The following RPGRIP1 variants were observed in gnomAD, a reference collection of about 807,000 sequenced individuals.
The protein encoded by RPGRIP1 is X-linked retinitis pigmentosa GTPase regulator-interacting protein 1.
RPGRIP1 carries 128 observed loss-of-function variants against 157.9 expected under a neutral mutation model. The observed-to-expected ratio is 0.81, with a 90% CI of 0.70 to 0.94. The LOEUF (loss-of-function observed/expected upper bound fraction) is 0.94. RPGRIP1 is among the 40% of genes least tolerant of loss of function. The pLI, the probability that RPGRIP1 is intolerant of heterozygous loss-of-function variation, is 0.00. For synonymous variants in RPGRIP1, 554 were observed against 571.6 expected (o/e 0.97, Z 0.44); for missense variants, 1,486 against 1,545.8 (o/e 0.96, Z 0.65).
rs1035915248 is a variant in RPGRIP1, at chr14:21,304,998, T to G, written c.800+1455T>G. ...TTTGTATTTTTAGTAGAGACGGGGTTTCACCATGTTAGCCAGGATGGTCTC... is the reference window on the plus strand; with the variant it reads ...TTTGTATTTTTAGTAGAGACGGGGTGTCACCATGTTAGCCAGGATGGTCTC... On this transcript the variant is annotated intron_variant, in intron 6 of 24. Transcript: ENST00000400017. Among the ~76,000 whole-genome samples the G allele has an allele frequency of 1.1e-3, 164 of 152,256 alleles. 3 individuals are homozygous for G. Among genetic ancestry groups the G allele is most frequent in the Non-Finnish European group, 1.6e-4 (11 of 68,016 alleles).
chr14:21,328,332 T>G (rs140668097), intron 18 of RPGRIP1, 92 bp from the exon 19 acceptor site: 1 of 883,492 alleles, frequency 1.1e-6, no homozygotes, highest in East Asian at 2.4e-5. Context: ...AGGAGAGAAA[T>G]GAAGTCTAAC....
At chr14:21,295,729 G>GCCT (rs982025995) in intron 3 of RPGRIP1, among the ~76,000 whole-genome samples, 3 of 151,956 alleles carry the variant, frequency 2.0e-5, no homozygotes, top group African/African-American at 7.2e-5. Flanking sequence ...GCCTGCCTCG[G>GCCT]CCTCCCAAAT....
rs759638122 is a variant in RPGRIP1, at chr14:21,345,213, C to G, written c.3617+16C>G. The G allele has an allele frequency of 5.0e-6, 8 of 1,588,094 alleles. No individual in the cohort carries two copies. The African/African-American group carries it at 8.1e-5, about 16-fold the overall frequency. Reference sequence around the variant, plus strand: ...ATCAAGGACAGTAAGCATCTGCTTTCCACTTTGAAACAAAGGAGATATTGA... The same window carrying G: ...ATCAAGGACAGTAAGCATCTGCTTTGCACTTTGAAACAAAGGAGATATTGA... On this transcript the variant is annotated intron_variant, in intron 23 of 24. Coordinates refer to ENST00000400017, the MANE Select transcript of RPGRIP1 (RefSeq NM_020366.4).
rs1479546031 is a variant in RPGRIP1 at position 21,321,839 on chromosome 14, A to G, written c.1612-15A>G. The G allele has an allele frequency of 1.2e-6, 2 of 1,608,916 alleles. No homozygotes were observed. The highest frequency in any genetic ancestry group is 1.7e-6 in the Non-Finnish European group (2 of 1,177,936). ...GCCACTGAGATAGAAAAGTTCAGAC[A>G]TTATTTTGTTTCAGGAGGAACTGGA... On this transcript the variant is annotated splice_polypyrimidine_tract_variant and intron_variant, in intron 13 of 24. Coordinates refer to ENST00000400017, the MANE Select transcript of RPGRIP1 (RefSeq NM_020366.4).
In RPGRIP1 at chr14:21,348,155, A is replaced by G. The variant is rs1885753398; in HGVS notation, c.3618-17A>G. On this transcript the variant is annotated splice_polypyrimidine_tract_variant and intron_variant, in intron 23 of 24. Coordinates refer to ENST00000400017, the MANE Select transcript of RPGRIP1 (RefSeq NM_020366.4). ...AAGAGTATCAACAGTGCTGAATTAAATGCAATTTCTTTTTAGTTTAAAGTT... is the reference window on the plus strand; with the variant it reads ...AAGAGTATCAACAGTGCTGAATTAAGTGCAATTTCTTTTTAGTTTAAAGTT... The G allele has an allele frequency of 6.4e-7, 1 of 1,554,732 alleles. No homozygotes were observed.
intron 3 of RPGRIP1, among the ~76,000 whole-genome samples, chr14:21,300,705 C>CATTTT (rs1378187329): frequency 5.7e-4 from 42 of 73,508 alleles, no homozygotes; most frequent in African/African-American, 2.2e-3. Context: ...AGTGGCTCAA[C>CATTTT]TTTTTTTTTT....
intron 2 of RPGRIP1, among the ~76,000 whole-genome samples, chr14:21,292,539 A>C (rs1006972847): frequency 6.6e-6 from 1 of 151,628 alleles, no homozygotes; most frequent in Admixed American, 6.6e-5. Flanking sequence ...AGACCTTGTC[A>C]CTATAAAAAA....
chr14:21,330,808 G>T (rs994310367), intron 20 of RPGRIP1, among the ~76,000 whole-genome samples: 1 of 152,158 alleles, frequency 6.6e-6, no homozygotes, highest in African/African-American at 2.4e-5. Flanking sequence ...GCCCAGTTTT[G>T]TGTTACAAGT....
chr14:21,294,628 A>G lies in RPGRIP1; in HGVS notation c.86-49A>G, dbSNP rs758376953. 3.1e-6 allele frequency: 5 copies of G among 1,595,080 alleles called. No homozygotes were observed. The African/African-American group carries it at 4.0e-5, about 13-fold the overall frequency. On this transcript the variant is annotated intron_variant, in intron 2 of 24. Transcript: ENST00000400017. ...TGTGATGAGACATCTAAAGGGTTCA[A>G]AAAATAGGTGTAAAAATACTGTCCA... is the stretch of plus-strand genomic sequence containing the variant.
chr14:21,318,272 A>ATT (rs11311303), intron 11 of RPGRIP1: 270 of 323,628 alleles, frequency 8.3e-4, no homozygotes, highest in African/African-American at 5.6e-3. Context: ...ACGCCTGGCT[A>ATT]TTTTTTTTTT....
chr14:21,343,866 G>GT (rs67535379), intron 22 of RPGRIP1, among the ~76,000 whole-genome samples: 4 of 50,436 alleles, frequency 7.9e-5, no homozygotes, highest in Non-Finnish European at 1.4e-4. Context: ...CTCTTTTCCT[G>GT]TTTTTTTTTT....
chr14:21,280,241 C>CTTTTTTTTT (rs35642254), intron 1 of RPGRIP1, among the ~76,000 whole-genome samples, 82 bp downstream of exon 1: 1 of 109,360 alleles, frequency 9.1e-6, no homozygotes. Context: ...TAAGTTTATT[C>CTTTTTTTTT]TTTTTTTTTT....
chr14:21,317,508 A>G (rs1881885596), intron 10 of RPGRIP1, 188 bp from the exon 11 acceptor site: 2 of 1,439,422 alleles, frequency 1.4e-6, no homozygotes, highest in South Asian at 1.3e-5. Flanking sequence ...GTACTGAGCA[A>G]TAACTCAGTA....
chr14:21,333,504 C>G (rs1034742833), intron 20 of RPGRIP1, among the ~76,000 whole-genome samples: 3 of 152,186 alleles, frequency 2.0e-5, no homozygotes, highest in African/African-American at 7.2e-5. Flanking sequence ...AAACAATTGT[C>G]ATTTCTTTGG....
intron 14 of RPGRIP1, among the ~76,000 whole-genome samples, chr14:21,322,887 C>T (rs988067700): frequency 1.3e-5 from 2 of 152,150 alleles, no homozygotes; most frequent in Non-Finnish European, 2.9e-5. Context: ...TCACTGCTGA[C>T]CAGAGCCTGG....
chr14:21,303,612 CT>C, intron 6 of RPGRIP1, 69 bp downstream of exon 6: 1 of 1,175,610 alleles, frequency 8.5e-7, no homozygotes, highest in Non-Finnish European at 1.3e-6. Context: ...TTATTTATAC[CT>C]TTCCTCCATC....
At chr14:21,328,698 T>TAGAAGCAGAAGC in intron 19 of RPGRIP1, 71 bp downstream of exon 19, 2 of 1,119,930 alleles carry the variant, frequency 1.8e-6, no homozygotes, top group Non-Finnish European at 2.6e-6. Flanking sequence ...TTCTCAGAGG[T>TAGAAGCAGAAGC]AGAAGCAGAA....
chr14:21,341,458 G>T (rs568847236), intron 21 of RPGRIP1, among the ~76,000 whole-genome samples: 37 of 152,286 alleles, frequency 2.4e-4, no homozygotes, highest in African/African-American at 8.7e-4. Flanking sequence ...GAAAAGATGG[G>T]GTAAGAGCCG....
chr14:21,325,205 CCT>C lies in RPGRIP1; in HGVS notation c.2216-26_2216-25del, dbSNP rs770015844. On this transcript the variant is annotated intron_variant, in intron 15 of 24. Coordinates refer to ENST00000400017, the MANE Select transcript of RPGRIP1 (RefSeq NM_020366.4). ...TCCTTGCCACACCATCTGTATTCCC[CCT>C]GCTTTCACACTTTCTGCTACCCAGG... 11 of 1,583,248 alleles carry C rather than the reference CCT, an allele frequency of 6.9e-6. 1 individual carries two copies. In the South Asian group the frequency reaches 1.2e-4, roughly 17 times the overall value.
Sources: gnomAD v4.1 joint callset for allele counts (sites outside exome capture counted in the v4.1 genomes callset) on GRCh38, gnomAD v4.1.1 for gene constraint, MANE v1.5 for transcripts, NCBI Gene and HGNC (gene_info 2026-07-23, HGNC 2026-07-21) for gene names.